Variants in LYZL1 observed in about 807,000 individuals in gnomAD.
The protein encoded by LYZL1 is lysozyme like 1, also known as lysozyme-like protein 1.
In LYZL1, 16 loss-of-function variants were observed where a neutral mutation model predicts 17.9. That is an observed-to-expected ratio of 0.90 (90% confidence interval 0.61 to 1.36). The LOEUF (loss-of-function observed/expected upper bound fraction) is 1.36. LYZL1 is among the 40% of genes most tolerant of loss of function. The pLI is 0.00. For synonymous variants in LYZL1, 58 were observed against 71.8 expected (o/e 0.81, Z 0.97); for missense variants, 149 against 188.4 (o/e 0.79, Z 1.22).
At chr10:29,298,420 C>T (rs1181045569) in intron 3 of LYZL1, among the ~76,000 whole-genome samples, 2 of 152,118 alleles carry the variant, frequency 1.3e-5, no homozygotes, top group Non-Finnish European at 2.9e-5. Context: ...CCTGCTGATG[C>T]CTACTCTTAT....
downstream of LYZL1, among the ~76,000 whole-genome samples, chr10:29,311,590 G>C (rs1341483043): frequency 6.6e-6 from 1 of 152,142 alleles, no homozygotes; most frequent in Non-Finnish European, 1.5e-5. Context: ...GAGATTCACT[G>C]TTTGATATTG....
At chr10:29,293,942 C>T (rs1276146161) in intron 3 of LYZL1, among the ~76,000 whole-genome samples, 3 of 151,566 alleles carry the variant, frequency 2.0e-5, no homozygotes, top group Non-Finnish European at 4.4e-5. Flanking sequence ...CCATTCTACT[C>T]CAGCCTGGGT....
In LYZL1 at chr10:29,297,084, GAA is replaced by G. The variant is rs35535332; in HGVS notation, c.298+4421_298+4422del. Among the ~76,000 whole-genome samples the G allele has an allele frequency of 1.0e-3, 126 of 123,074 alleles. 1 individual carries two copies. The highest frequency in any genetic ancestry group is 4.4e-3 in the Middle Eastern group (1 of 226). The allele number at this position is 123,074 out of a possible 152,430, so 80.7% of individuals were successfully genotyped here. On this transcript the variant is annotated intron_variant, in intron 3 of 4. Transcript: ENST00000649382. The stretch of plus-strand genomic sequence containing the variant: ...TGAAACAAAGCAAGATGCTTTTTTT[GAA>G]AAAAAAAAAAAAAGAGAGAAAAAGG...
chr10:29,293,910 G>GT (rs1435156650), intron 3 of LYZL1, among the ~76,000 whole-genome samples: 1 of 151,890 alleles, frequency 6.6e-6, no homozygotes, highest in Non-Finnish European at 1.5e-5. Context: ...GGAGGTGGAG[G>GT]TTGCAGTGAG....
Position 29,289,207 on chromosome 10 carries a change from A to G in LYZL1, c.-49A>G. ...CAACTGAGAAGTCAGCCTCTGGGGCAGGCACCAGGAATCTGCCTTTTCAGT... is the reference window on the plus strand; with the variant it reads ...CAACTGAGAAGTCAGCCTCTGGGGCGGGCACCAGGAATCTGCCTTTTCAGT... On this transcript the variant is annotated 5_prime_UTR_variant, in exon 1 of 5. Coordinates refer to ENST00000649382, the MANE Select transcript of LYZL1 (RefSeq NM_032517.6). 6.3e-7 allele frequency: 1 copy of G among 1,593,060 alleles called. No individual in the cohort carries two copies. The highest frequency in any genetic ancestry group is 8.6e-7 in the Non-Finnish European group (1 of 1,169,276).
intron 3 of LYZL1, among the ~76,000 whole-genome samples, chr10:29,298,443 A>T (rs1345857363): frequency 3.3e-5 from 5 of 152,168 alleles, no homozygotes; most frequent in Non-Finnish European, 5.9e-5. Flanking sequence ...AAACCCCTTC[A>T]GAAGTCAGAG....
intron 3 of LYZL1, among the ~76,000 whole-genome samples, chr10:29,302,886 T>A (rs540176531): frequency 6.6e-6 from 1 of 152,310 alleles, no homozygotes; most frequent in African/African-American, 2.4e-5. Flanking sequence ...CAGCTAAGTT[T>A]ATTCTGATCA....
At chr10:29,307,877 T>G (rs753298472) in intron 3 of LYZL1, among the ~76,000 whole-genome samples, 14 of 152,178 alleles carry the variant, frequency 9.2e-5, no homozygotes, top group Non-Finnish European at 1.3e-4. Context: ...TAAACACCTC[T>G]TTAAGGCTCT....
intron 3 of LYZL1, among the ~76,000 whole-genome samples, chr10:29,305,287 T>C (rs2132830631): frequency 6.6e-6 from 1 of 152,340 alleles, no homozygotes; most frequent in East Asian, 1.9e-4. Flanking sequence ...AGATAATTAC[T>C]TGAAAAATTA....
chr10:29,293,338 C>A (rs1156532381), intron 3 of LYZL1, among the ~76,000 whole-genome samples: 1 of 151,840 alleles, frequency 6.6e-6, no homozygotes, highest in African/African-American at 2.4e-5. Context: ...GTTATGGGGT[C>A]CCACCTGGGC....
intron 1 of LYZL1, among the ~76,000 whole-genome samples, chr10:29,291,115 T>C (rs1751953): frequency 0.19 from 29,049 of 152,042 alleles, 2,939 homozygotes; most frequent in Middle Eastern, 0.26. Flanking sequence ...CATGTAACTT[T>C]TGACTCCCCA....
downstream of LYZL1, among the ~76,000 whole-genome samples, chr10:29,313,009 C>T (rs1006752828): frequency 3.3e-5 from 5 of 152,304 alleles, no homozygotes; most frequent in African/African-American, 1.2e-4. Flanking sequence ...CTTCAATATG[C>T]TCTTACTGCC....
At chr10:29,289,805 AAGGGCCAG>A (rs1454354362) in intron 1 of LYZL1, among the ~76,000 whole-genome samples, 2 of 152,312 alleles carry the variant, frequency 1.3e-5, no homozygotes, top group South Asian at 4.1e-4. Context: ...TCTCTCTGAA[AAGGGCCAG>A]ATAATAATAT....
intron 3 of LYZL1, among the ~76,000 whole-genome samples, chr10:29,299,043 T>C (rs113265938): frequency 2.0e-5 from 3 of 152,182 alleles, no homozygotes; most frequent in African/African-American, 7.2e-5. Context: ...CAGCGGTAGA[T>C]CATCAGGCAT....
At chr10:29,299,859 T>C (rs989413496) in intron 3 of LYZL1, among the ~76,000 whole-genome samples, 18 of 152,370 alleles carry the variant, frequency 1.2e-4, no homozygotes, top group African/African-American at 4.3e-4. Context: ...AGTTATGTGT[T>C]GCTTTTATAT....
In LYZL1 at chr10:29,289,108, G is replaced by T. The variant is rs780587257; in HGVS notation, c.-148G>T. ...TCGCGCCTCGTTAGAATCAGACATGGCTTCAGGGGATGCAGGACGCTCCCC... is the reference window on the plus strand; with the variant it reads ...TCGCGCCTCGTTAGAATCAGACATGTCTTCAGGGGATGCAGGACGCTCCCC... On this transcript the variant is annotated 5_prime_UTR_variant, in exon 1 of 5. Transcript: ENST00000649382. 25 of 1,575,870 alleles carry T rather than the reference G, an allele frequency of 1.6e-5. No individual in the cohort carries two copies. The South Asian group carries it at 2.6e-4, about 16-fold the overall frequency.
At chr10:29,296,735 C>G (rs1588658659) in intron 3 of LYZL1, among the ~76,000 whole-genome samples, 1 of 152,108 alleles carries the variant, frequency 6.6e-6, no homozygotes, top group East Asian at 1.9e-4. Context: ...AGGGATCTGG[C>G]CAAATTGAAA....
downstream of LYZL1, among the ~76,000 whole-genome samples, chr10:29,311,563 A>G (rs1349319848): frequency 3.3e-5 from 5 of 152,218 alleles, no homozygotes; most frequent in Admixed American, 3.3e-4. Flanking sequence ...CAAGAGACGC[A>G]GAGAGATAGG....
In LYZL1 at chr10:29,292,561, C is replaced by A. The variant is rs750292396; in HGVS notation, c.182C>A (p.Ala61Asp). The change falls in exon 3 of 5, where the codon GCC becomes GAC. Residue 61 changes from alanine to aspartate, a missense_variant. Physicochemically the swap from Ala to Asp is moderately radical, Grantham distance 126 (BLOSUM62 -2). Around this residue, in one of 2 missense-constraint regions of LYZL1, gnomAD observed 130 missense variants for 132.5 expected, o/e 0.98. Coordinates refer to ENST00000649382, the MANE Select transcript of LYZL1 (RefSeq NM_032517.6). ...TATGAGAGCGGCTACAACACCACAG[C>A]CCAGACGGTCCTGGATGACGGCAGC... is the stretch of plus-strand genomic sequence containing the variant. The part of the protein sequence containing the change: ...AYYESGYNTT[A>D]QTVLDDGSID... The A allele has an allele frequency of 6.2e-7, 1 of 1,614,246 alleles. No individual in the cohort carries two copies.
Sources: gnomAD v4.1 joint callset for allele counts (sites outside exome capture counted in the v4.1 genomes callset) on GRCh38, gnomAD v4.1.1 for gene constraint, gnomAD v4.1.1 regional missense constraint, MANE v1.5 for transcripts, NCBI Gene and HGNC (gene_info 2026-07-23, HGNC 2026-07-21) for gene names.